CLASP2: variants seen among roughly 807,000 people sequenced by gnomAD.
CLASP2 encodes cytoplasmic linker associated protein 2.
In CLASP2, 47 loss-of-function variants were observed where a neutral mutation model predicts 194.4. That is an observed-to-expected ratio of 0.24 (90% CI 0.19 to 0.31). The LOEUF (loss-of-function observed/expected upper bound fraction) is 0.31. Ranked by LOEUF, CLASP2 falls within the 10% of genes least tolerant of loss-of-function variation. The probability of loss-of-function intolerance (pLI) is 1.00; values close to 1 mark genes in which losing one functional copy is unlikely to be tolerated. For synonymous variants in CLASP2, 619 were observed against 633.5 expected (o/e 0.98, Z 0.34); for missense variants, 1,445 against 1,823.6 (o/e 0.79, Z 3.78).
In CLASP2 at chr3:33,560,936, G is replaced by A. The variant is rs370055918; in HGVS notation, c.2802C>T (p.Phe934=). 59 of 1,613,630 alleles carry A rather than the reference G, an allele frequency of 3.7e-5. No homozygotes were observed. The highest frequency in any genetic ancestry group is 4.7e-5 in the Non-Finnish European group (55 of 1,179,766). ...GAAGATCATCTTTGTGGACTTGTAT[G>A]AAATCCACTAGAGTCTCCAAAAACA... is the stretch of plus-strand genomic sequence containing the variant. ...FSMFLETLVD[F]IQVHKDDLQD... The change falls in exon 28 of 39, where the codon TTC becomes TTT. Residue 934 remains phenylalanine (F), a synonymous_variant. Transcript: ENST00000682230.
intron 12 of CLASP2, among the ~76,000 whole-genome samples, chr3:33,613,227 G>A (rs528512798): frequency 6.6e-6 from 1 of 152,196 alleles, no homozygotes; most frequent in African/African-American, 2.4e-5. Flanking sequence ...AGTGGAGCAG[G>A]CAGAGGAAGA....
chr3:33,612,096 T>C (rs900482384), intron 12 of CLASP2, 25 bp from the exon 13 acceptor site: 17 of 1,411,824 alleles, frequency 1.2e-5, no homozygotes, highest in African/African-American at 2.8e-5. Context: ...TTAGAAAAGG[T>C]TGAAAATACT....
At chr3:33,563,449 A>G (rs577934920) in intron 27 of CLASP2, among the ~76,000 whole-genome samples, 1 of 152,166 alleles carries the variant, frequency 6.6e-6, no homozygotes, top group Non-Finnish European at 1.5e-5. Context: ...TAAAGGCACC[A>G]AGCATTTCTG....
chr3:33,519,698 T>A (rs760529853), intron 34 of CLASP2, among the ~76,000 whole-genome samples: 1 of 152,176 alleles, frequency 6.6e-6, no homozygotes, highest in Non-Finnish European at 1.5e-5. Flanking sequence ...GCTTTAGTTT[T>A]TTTTCTTTTT....
At chr3:33,608,673 A>AAG in intron 13 of CLASP2, 47 bp from the exon 14 acceptor site, 1 of 1,300,686 alleles carries the variant, frequency 7.7e-7, no homozygotes, top group Non-Finnish European at 1.1e-6. Flanking sequence ...ATTGAGAAAT[A>AAG]CATTAACACT....
chr3:33,524,133 T>G (rs1418962725), intron 34 of CLASP2, among the ~76,000 whole-genome samples: 1 of 151,942 alleles, frequency 6.6e-6, no homozygotes, highest in African/African-American at 2.4e-5. Context: ...AATCACCCAG[T>G]CAAAAGACAG....
intron 18 of CLASP2, 195 bp downstream of exon 18, chr3:33,602,757 G>A (rs1194653064): frequency 4.3e-6 from 3 of 690,400 alleles, no homozygotes; most frequent in Admixed American, 2.2e-5. Context: ...TCAAGACGAT[G>A]ATGAGAACAA....
intron 6 of CLASP2, among the ~76,000 whole-genome samples, chr3:33,665,065 C>T (rs1045711393): frequency 5.3e-5 from 8 of 150,926 alleles, no homozygotes; most frequent in African/African-American, 1.5e-4. Flanking sequence ...CCTGACACTG[C>T]ACACTCCAGC....
intron 10 of CLASP2, among the ~76,000 whole-genome samples, chr3:33,626,590 T>A (rs755329579): frequency 6.6e-6 from 1 of 152,136 alleles, no homozygotes; most frequent in Non-Finnish European, 1.5e-5. Context: ...TGAATTTACA[T>A]TGATGCTATG....
chr3:33,642,638 C>T (rs1210295846), intron 8 of CLASP2, among the ~76,000 whole-genome samples: 1 of 151,832 alleles, frequency 6.6e-6, no homozygotes, highest in Admixed American at 6.6e-5. Context: ...TCTTTTCCAA[C>T]TCAAAAATTC....
At chr3:33,606,312 T>C (rs1391177296) in intron 16 of CLASP2, among the ~76,000 whole-genome samples, 1 of 152,108 alleles carries the variant, frequency 6.6e-6, no homozygotes, top group African/African-American at 2.4e-5. Flanking sequence ...GTACTGTTTT[T>C]GTGGTATTAA....
At chr3:33,504,933 G>A (rs984229581) in intron 37 of CLASP2, 3 of 152,188 alleles carry the variant, frequency 2.0e-5, no homozygotes, top group African/African-American at 7.2e-5. Context: ...TCCATGGCCT[G>A]GGGGTTAGGG....
At chr3:33,567,524 G>A (rs990662554) in intron 26 of CLASP2, among the ~76,000 whole-genome samples, 1 of 152,120 alleles carries the variant, frequency 6.6e-6, no homozygotes, top group Non-Finnish European at 1.5e-5. Flanking sequence ...GATGGCTTTT[G>A]GCAACTGATA....
chr3:33,633,933 T>C (rs1171848627), intron 8 of CLASP2, among the ~76,000 whole-genome samples: 1 of 152,168 alleles, frequency 6.6e-6, no homozygotes, highest in Non-Finnish European at 1.5e-5. Flanking sequence ...CTTAAAGATA[T>C]TTAACAAGAG....
chr3:33,614,310 G>A (rs985866437), intron 12 of CLASP2, among the ~76,000 whole-genome samples: 1 of 152,096 alleles, frequency 6.6e-6, no homozygotes, highest in African/African-American at 2.4e-5. Flanking sequence ...TGTTAAGACA[G>A]AGACAAGAAG....
intron 27 of CLASP2, 47 bp from the exon 28 acceptor site, chr3:33,561,018 T>C (rs374059891): frequency 9.9e-6 from 15 of 1,520,708 alleles, no homozygotes; most frequent in South Asian, 2.3e-5. Flanking sequence ...AGAGGAAATA[T>C]TGACCTCTAT....
rs1196796930 is a variant in CLASP2, at chr3:33,685,040, A to G, written c.547-584T>C. On this transcript the variant is annotated intron_variant, in intron 5 of 38. Transcript: ENST00000682230. ...AAATAAATAAATAAATAATAATAAT[A>G]ATAATAAATCTATTTGTAGGCCCGG... Among the ~76,000 whole-genome samples, 13 of 133,250 alleles carry G rather than the reference A, an allele frequency of 9.8e-5. No individual in the cohort carries two copies. In the Admixed American group the frequency reaches 1.0e-3, roughly 10 times the overall value. 87.4% of individuals were successfully genotyped at this position (133,250 alleles called of 152,430 possible). A position where few individuals can be genotyped will look rare whatever the true frequency, so the allele number is the denominator to read the frequency against.
At chr3:33,514,837 C>A (rs2050839713) in intron 36 of CLASP2, among the ~76,000 whole-genome samples, 2 of 151,972 alleles carry the variant, frequency 1.3e-5, no homozygotes, top group South Asian at 4.2e-4. Context: ...CACACACACA[C>A]ACCATGTGTA....
chr3:33,596,433 T>C (rs1310060364), intron 19 of CLASP2, among the ~76,000 whole-genome samples: 1 of 152,134 alleles, frequency 6.6e-6, no homozygotes, highest in Non-Finnish European at 1.5e-5. Flanking sequence ...GAATCGAGAA[T>C]ATTCAGAGGC....
Sources: gnomAD v4.1 joint callset for allele counts (sites outside exome capture counted in the v4.1 genomes callset) on GRCh38, gnomAD v4.1.1 for gene constraint, MANE v1.5 for transcripts, NCBI Gene and HGNC (gene_info 2026-07-23, HGNC 2026-07-21) for gene names.